The following TMEM74 variants were observed in gnomAD, a reference collection of about 807,000 sequenced individuals.
TMEM74 encodes the protein transmembrane protein 74.
TMEM74 carries 13 observed loss-of-function variants against 18.1 expected under a neutral mutation model. The ratio of observed to expected loss-of-function variants is 0.72; its 90% CI spans 0.47 to 1.14. The LOEUF is 1.14. Ranked by LOEUF, TMEM74 falls within the 50% of genes most tolerant of loss-of-function variation. The pLI is 0.00. For missense variants in TMEM74, 372 were observed against 375.9 expected, an observed-to-expected ratio of 0.99 and a Z score of 0.09; for synonymous variants, 159 against 146.6, an observed-to-expected ratio of 1.08 and a Z score of -0.61.
intron 1 of TMEM74, among the ~76,000 whole-genome samples, chr8:108,724,801 C>T (rs892258486): frequency 6.6e-6 from 1 of 152,084 alleles, no homozygotes; most frequent in African/African-American, 2.4e-5. Context: ...AGCTTCCTCC[C>T]ATCTCCTTTA....
In TMEM74 at chr8:108,782,565, GA is replaced by G. The variant is rs746306565; in HGVS notation, c.*1615del. Among the ~76,000 whole-genome samples the G allele has an allele frequency of 2.8e-4, 43 of 152,102 alleles. No homozygotes were observed. The highest frequency in any genetic ancestry group is 4.6e-4 in the Non-Finnish European group (31 of 68,046). ...CATCAAATCAATCTGACACCCATGA[GA>G]GCTCATCCACATAAATATCCTGATT... On this transcript the variant is annotated 3_prime_UTR_variant, in exon 2 of 2. Transcript: ENST00000297459.
In TMEM74 at chr8:108,783,644, A is replaced by T. The variant is rs868063621; in HGVS notation, c.*537T>A. 7 of 152,202 alleles carry T rather than the reference A, an allele frequency of 4.6e-5. No individual in the cohort carries two copies. Among genetic ancestry groups the T allele is most frequent in the African/African-American group, 1.7e-4 (7 of 41,446 alleles). 9.4% of individuals were successfully genotyped at this position (152,202 alleles called of 1,614,324 possible). On this transcript the variant is annotated 3_prime_UTR_variant, in exon 2 of 2. Coordinates refer to ENST00000297459, the MANE Select transcript of TMEM74 (RefSeq NM_153015.3). ...CATTTTTTACAATAAGGAAAGCCCA[A>T]CATCCTCAAACTTCAAAATATTCAA...
At position 108,649,837 on chromosome 8, in the gene TMEM74, T is replaced by C. The variant is rs139766125; in HGVS notation, n.264+5456A>G. Among the ~76,000 whole-genome samples, 1,157 of 152,274 alleles carry C rather than the reference T, an allele frequency of 7.6e-3. 9 individuals carry two copies. The highest frequency in any genetic ancestry group is 0.011 in the Non-Finnish European group (736 of 68,016). ...TCAAGTCCAGTGGAGCCTTCAATGT[T>C]GCTTGGCAATTTTTTTCACTAAATG... On this transcript the variant is annotated intron_variant and non_coding_transcript_variant, in intron 2 of 3. Transcript: ENST00000518838.
chr8:108,714,942 T>C (rs946842263), intron 1 of TMEM74, among the ~76,000 whole-genome samples: 1 of 152,182 alleles, frequency 6.6e-6, no homozygotes, highest in African/African-American at 2.4e-5. Flanking sequence ...TGATTTCCTT[T>C]ACATATTGAA....
intron 2 of TMEM74, among the ~76,000 whole-genome samples, chr8:108,612,244 G>A (rs1812341398): frequency 2.0e-5 from 3 of 151,900 alleles, no homozygotes; most frequent in Admixed American, 6.6e-5. Context: ...AAAAAAAATG[G>A]TATTAAGGAT....
intron 1 of TMEM74, among the ~76,000 whole-genome samples, chr8:108,766,659 G>A (rs944092631): frequency 3.6e-5 from 5 of 139,564 alleles, no homozygotes; most frequent in African/African-American, 1.2e-4. Flanking sequence ...ATGAAAGGGA[G>A]TTTATTAAGG....
intron 2 of TMEM74, among the ~76,000 whole-genome samples, chr8:108,612,704 C>T (rs1306416666): frequency 6.6e-6 from 1 of 152,146 alleles, no homozygotes; most frequent in African/African-American, 2.4e-5. Context: ...TGGGAAAGAG[C>T]ATTAGAGAAG....
intron 2 of TMEM74, among the ~76,000 whole-genome samples, chr8:108,652,214 A>G (rs991538283): frequency 2.6e-5 from 4 of 152,240 alleles, no homozygotes; most frequent in Admixed American, 2.6e-4. Context: ...ATCAATATAT[A>G]CAAATATTGG....
chr8:108,624,693 G>A (rs895780827), intron 2 of TMEM74, among the ~76,000 whole-genome samples: 3 of 151,758 alleles, frequency 2.0e-5, no homozygotes, highest in African/African-American at 7.3e-5. Context: ...TAATTAATAG[G>A]CATTGAGTAT....
intron 1 of TMEM74, among the ~76,000 whole-genome samples, chr8:108,769,280 T>C (rs1207610107): frequency 1.3e-5 from 2 of 152,052 alleles, no homozygotes; most frequent in East Asian, 3.9e-4. Context: ...TGAACCAAGA[T>C]TGCACTACTG....
chr8:108,672,626 A>C (rs554457943), intron 1 of TMEM74, among the ~76,000 whole-genome samples: 4 of 152,258 alleles, frequency 2.6e-5, no homozygotes, highest in African/African-American at 9.6e-5. Flanking sequence ...CCAGTTTGAC[A>C]TTTGGGTCAT....
chr8:108,705,351 G>A (rs1448991532), intron 1 of TMEM74, among the ~76,000 whole-genome samples: 1 of 152,202 alleles, frequency 6.6e-6, no homozygotes, highest in Non-Finnish European at 1.5e-5. Context: ...GTGTGTTGTA[G>A]TGGAATGCAG....
At chr8:108,700,483 TGAAAA>T (rs59304120) in intron 1 of TMEM74, among the ~76,000 whole-genome samples, 27,788 of 151,810 alleles carry the variant, frequency 0.18, 2,684 homozygotes, top group East Asian at 0.29. Context: ...AAAGAGAATA[TGAAAA>T]GAAAACAGTG....
intron 1 of TMEM74, among the ~76,000 whole-genome samples, chr8:108,762,512 C>G (rs562396848): frequency 1.3e-5 from 2 of 151,984 alleles, no homozygotes; most frequent in African/African-American, 4.8e-5. Context: ...TGAACTCAGC[C>G]CCATGGGTAG....
chr8:108,658,056 A>T (rs1812863348), intron 1 of TMEM74, among the ~76,000 whole-genome samples: 1 of 151,160 alleles, frequency 6.6e-6, no homozygotes, highest in Non-Finnish European at 1.5e-5. Context: ...GAAGACCCCA[A>T]ATCATCGCAG....
chr8:108,710,563 G>A (rs1307805114), intron 1 of TMEM74, among the ~76,000 whole-genome samples: 2 of 152,212 alleles, frequency 1.3e-5, no homozygotes, highest in East Asian at 1.9e-4. Flanking sequence ...TTAGGGGGCC[G>A]TAGGCAGGTG....
intron 1 of TMEM74, among the ~76,000 whole-genome samples, chr8:108,678,677 T>C (rs936201763): frequency 6.6e-6 from 1 of 151,328 alleles, no homozygotes; most frequent in African/African-American, 2.4e-5. Flanking sequence ...TTCTCTTTTT[T>C]TTTTCTTATA....
intron 1 of TMEM74, among the ~76,000 whole-genome samples, chr8:108,661,169 C>T (rs1351196739): frequency 1.3e-5 from 2 of 151,974 alleles, no homozygotes; most frequent in Non-Finnish European, 2.9e-5. Flanking sequence ...CTTGGAATTA[C>T]CTATTCCAAG....
chr8:108,752,187 T>C (rs1813911020), intron 1 of TMEM74, among the ~76,000 whole-genome samples: 1 of 152,130 alleles, frequency 6.6e-6, no homozygotes, highest in African/African-American at 2.4e-5. Flanking sequence ...AGCTGAACTC[T>C]CTGGGTTTGA....
Sources: gnomAD v4.1 joint callset for allele counts (sites outside exome capture counted in the v4.1 genomes callset) on GRCh38, gnomAD v4.1.1 for gene constraint, MANE v1.5 for transcripts, NCBI Gene and HGNC (gene_info 2026-07-23, HGNC 2026-07-21) for gene names.